Variants in XYLT1 observed in about 807,000 individuals in gnomAD.
XYLT1 encodes xylosyltransferase 1, also known as beta-D-xylosyltransferase 1.
Under a neutral mutation model 91.3 loss-of-function variants are expected in XYLT1, and 36 were observed. That is an observed-to-expected ratio of 0.39 (90% CI 0.30 to 0.52). The LOEUF is 0.52. Among genes scored for constraint, XYLT1 ranks in the 20% least tolerant of loss-of-function variants. The pLI is 0.68. For missense variants in XYLT1, 1,242 were observed against 1,284.5 expected (o/e 0.97, Z 0.51); for synonymous variants, 588 against 532.0 (o/e 1.11, Z -1.45).
chr16:17,117,908 C>A lies in XYLT1; in HGVS notation c.2295G>T (p.Glu765Asp), dbSNP rs1455166698. The change falls in exon 11 of 12, where the codon GAG (glutamate) becomes GAT (aspartate). Residue 765 changes from glutamate to aspartate, a missense_variant. Physicochemically the swap from Glu to Asp is conservative, Grantham distance 45. Coordinates refer to ENST00000261381, the MANE Select transcript of XYLT1 (RefSeq NM_022166.4). The part of the protein sequence containing the change: ...NFGGLLGPMD[E>D]PVGMQKWGKG... Reference sequence around the variant, plus strand: ...TCCCCCACTTCTGCATACCCACCGGCTCATCCATGGGCCCCAGAAGACCCC... The same window carrying A: ...TCCCCCACTTCTGCATACCCACCGGATCATCCATGGGCCCCAGAAGACCCC... 5.0e-6 allele frequency: 8 copies of A among 1,614,032 alleles called. No homozygotes were observed. Among genetic ancestry groups the A allele is most frequent in the Non-Finnish European group, 5.9e-6 (7 of 1,180,038 alleles).
At chr16:17,384,333 C>T (rs1233044972) in intron 1 of XYLT1, among the ~76,000 whole-genome samples, 1 of 151,698 alleles carries the variant, frequency 6.6e-6, no homozygotes, top group Non-Finnish European at 1.5e-5. Context: ...TTCTGAGAGA[C>T]CCTGGGCCCA....
intron 10 of XYLT1, among the ~76,000 whole-genome samples, chr16:17,124,797 ATTC>A (rs138267496): frequency 0.64 from 97,546 of 151,710 alleles, 32,347 homozygotes; most frequent in Non-Finnish European, 0.71. Flanking sequence ...TTTTTTAAAA[ATTC>A]TTTTTTGTGT....
chr16:17,204,998 A>G (rs2032615992), intron 3 of XYLT1, among the ~76,000 whole-genome samples: 1 of 151,972 alleles, frequency 6.6e-6, no homozygotes, highest in African/African-American at 2.4e-5. Flanking sequence ...AAAGAATTTA[A>G]CAATGTAATC....
At chr16:17,181,452 T>C (rs565997009) in intron 5 of XYLT1, among the ~76,000 whole-genome samples, 1 of 152,372 alleles carries the variant, frequency 6.6e-6, no homozygotes, top group South Asian at 2.1e-4. Context: ...TTATTAATTA[T>C]CATTGTCATC....
intron 1 of XYLT1, among the ~76,000 whole-genome samples, chr16:17,397,198 G>T (rs1596524082): frequency 1.3e-5 from 2 of 152,154 alleles, no homozygotes; most frequent in East Asian, 3.9e-4. Context: ...GGTTAATATT[G>T]ACTCTTGCAT....
chr16:17,123,466 TG>T (rs1488803919), intron 10 of XYLT1, among the ~76,000 whole-genome samples: 3 of 152,234 alleles, frequency 2.0e-5, no homozygotes, highest in African/African-American at 7.2e-5. Flanking sequence ...TTAGTTTCCA[TG>T]TATTTGCATG....
intron 3 of XYLT1, among the ~76,000 whole-genome samples, chr16:17,208,280 G>C (rs2032694211): frequency 6.6e-6 from 1 of 151,370 alleles, no homozygotes; most frequent in Non-Finnish European, 1.5e-5. Context: ...ACTGTGCCTG[G>C]CCCCCATCCC....
At chr16:17,284,704 C>T (rs577601021) in intron 2 of XYLT1, among the ~76,000 whole-genome samples, 1 of 152,294 alleles carries the variant, frequency 6.6e-6, no homozygotes, top group Admixed American at 6.5e-5. Context: ...ATCACTTGAG[C>T]CCAGGAGTTC....
intron 2 of XYLT1, among the ~76,000 whole-genome samples, chr16:17,352,359 T>A (rs2035234082): frequency 6.6e-6 from 1 of 152,186 alleles, no homozygotes; most frequent in African/African-American, 2.4e-5. Context: ...TTTCACTGGA[T>A]GGCCCTGAAT....
chr16:17,311,418 C>T (rs889930364), intron 2 of XYLT1, among the ~76,000 whole-genome samples: 1 of 152,166 alleles, frequency 6.6e-6, no homozygotes, highest in Non-Finnish European at 1.5e-5. Flanking sequence ...TAGAGCCCTG[C>T]CTTCACCCCC....
In XYLT1 at chr16:17,381,419, AC is replaced by A. The variant is rs750706437; in HGVS notation, c.364-23370del. On this transcript the variant is annotated intron_variant, in intron 1 of 11. Transcript: ENST00000261381. ...AAAAAAAGAACAAATAAAAGGCAAC[AC>A]CTTTTTTTTTTTTTTTTTTTTTGAA... Among the ~76,000 whole-genome samples, 253 of 127,930 alleles carry A rather than the reference AC, an allele frequency of 2.0e-3. 1 individual carries two copies. Among genetic ancestry groups the A allele is most frequent in the South Asian group, 4.9e-3 (20 of 4,122 alleles). 83.9% of individuals were successfully genotyped at this position (127,930 alleles called of 152,430 possible). A position where few individuals can be genotyped will look rare whatever the true frequency, so the allele number is the denominator to read the frequency against.
chr16:17,237,256 G>T (rs924648655), intron 3 of XYLT1, among the ~76,000 whole-genome samples: 1 of 152,170 alleles, frequency 6.6e-6, no homozygotes. Context: ...TCCAGAAGGA[G>T]ATCTGTGTTT....
At position 17,137,032 on chromosome 16, in the gene XYLT1, G is replaced by A. The variant is rs117187299; in HGVS notation, c.1764+1323C>T. ...AAACATTCCCCTGCAACCCTCTTTC[G>A]GCTCAGCATATCCTTTCTGCAGGGA... On this transcript the variant is annotated intron_variant, in intron 8 of 11. Transcript: ENST00000261381. Among the ~76,000 whole-genome samples the A allele has an allele frequency of 3.6e-3, 548 of 152,140 alleles. 5 individuals are homozygous for A. Among genetic ancestry groups the A allele is most frequent in the African/African-American group, 8.6e-3 (356 of 41,534 alleles).
intron 3 of XYLT1, among the ~76,000 whole-genome samples, chr16:17,221,191 A>G (rs541006265): frequency 6.6e-6 from 1 of 152,288 alleles, no homozygotes; most frequent in East Asian, 1.9e-4. Context: ...ACCATGTCCT[A>G]TAGTCAATAA....
intron 2 of XYLT1, among the ~76,000 whole-genome samples, chr16:17,317,629 C>CAAAA (rs35666149): frequency 5.2e-5 from 3 of 57,992 alleles, no homozygotes; most frequent in African/African-American, 1.4e-4. Context: ...GACGCTGTCT[C>CAAAA]AAAAAAAAAA....
At chr16:17,251,338 G>C (rs1035659868) in intron 3 of XYLT1, 1 of 152,250 alleles carries the variant, frequency 6.6e-6, no homozygotes, top group Admixed American at 6.5e-5. Context: ...TCACCCATTG[G>C]AGAACTGCCG....
At chr16:17,291,418 C>CCATTACA in intron 2 of XYLT1, among the ~76,000 whole-genome samples, 1 of 152,192 alleles carries the variant, frequency 6.6e-6, no homozygotes, top group Non-Finnish European at 1.5e-5. Flanking sequence ...AAACTGAGGC[C>CCATTACA]CAGGGGTCCT....
chr16:17,138,911 T>TA (rs1390889025), intron 7 of XYLT1, among the ~76,000 whole-genome samples: 3 of 152,184 alleles, frequency 2.0e-5, no homozygotes, highest in African/African-American at 7.2e-5. Context: ...TCTGACTGAC[T>TA]GACTGGTGTG....
At chr16:17,181,136 G>T (rs1323615727) in intron 5 of XYLT1, among the ~76,000 whole-genome samples, 1 of 152,178 alleles carries the variant, frequency 6.6e-6, no homozygotes, top group Non-Finnish European at 1.5e-5. Flanking sequence ...GGAATATGTT[G>T]TTTCACCTCA....
Sources: gnomAD v4.1 joint callset for allele counts (sites outside exome capture counted in the v4.1 genomes callset) on GRCh38, gnomAD v4.1.1 for gene constraint, MANE v1.5 for transcripts, NCBI Gene and HGNC (gene_info 2026-07-23, HGNC 2026-07-21) for gene names.